The following SPATA13 variants were observed in gnomAD, a reference collection of about 807,000 sequenced individuals.
SPATA13 encodes the protein spermatogenesis-associated protein 13.
Under a neutral mutation model 104.0 loss-of-function variants are expected in SPATA13, and 50 were observed. That is an observed-to-expected ratio of 0.48 (90% CI 0.38 to 0.61). SPATA13 has a LOEUF of 0.61. Among genes scored for constraint, SPATA13 ranks in the 20% least tolerant of loss-of-function variants. The pLI, the probability that SPATA13 is intolerant of heterozygous loss-of-function variation, is 0.00. For missense variants in SPATA13, 1,524 were observed against 1,690.6 expected (o/e 0.90, Z 1.73); for synonymous variants, 606 against 667.5 (o/e 0.91, Z 1.42).
At chr13:23,987,485 T>G (rs999602678) in intron 2 of SPATA13, among the ~76,000 whole-genome samples, 11 of 152,204 alleles carry the variant, frequency 7.2e-5, no homozygotes, top group Admixed American at 7.2e-4. Flanking sequence ...TCTGCCAAAA[T>G]TATTTTTGCA....
intron 3 of SPATA13, among the ~76,000 whole-genome samples, chr13:24,126,508 G>A (rs1054698675): frequency 2.6e-5 from 4 of 152,056 alleles, no homozygotes; most frequent in African/African-American, 9.7e-5. Context: ...GAAAGTGAGC[G>A]AAAAATAAGC....
intron 3 of SPATA13, among the ~76,000 whole-genome samples, chr13:24,060,222 TA>T (rs1322231566): frequency 1.3e-5 from 2 of 152,148 alleles, no homozygotes; most frequent in Admixed American, 1.3e-4. Flanking sequence ...ATGGTACTGG[TA>T]CAAAAACAGG....
At chr13:24,274,036 T>C (rs1436502892) in intron 4 of SPATA13, among the ~76,000 whole-genome samples, 7 of 152,180 alleles carry the variant, frequency 4.6e-5, no homozygotes, top group Admixed American at 4.6e-4. Flanking sequence ...TGGGCTGTTT[T>C]GGGTGGGAAA....
At chr13:24,134,443 G>A (rs764427850) in intron 3 of SPATA13, among the ~76,000 whole-genome samples, 1 of 152,168 alleles carries the variant, frequency 6.6e-6, no homozygotes, top group Non-Finnish European at 1.5e-5. Context: ...GTGGGGGTGC[G>A]CCTGCTACAT....
At chr13:24,196,988 T>C (rs1870092370) in intron 1 of SPATA13, among the ~76,000 whole-genome samples, 1 of 152,116 alleles carries the variant, frequency 6.6e-6, no homozygotes, top group African/African-American at 2.4e-5. Context: ...TTACATATAC[T>C]GGAAAAGAGG....
Position 24,165,808 on chromosome 13 carries a change from G to A in SPATA13, c.-112+4876G>A, listed in dbSNP as rs150775874. Among the ~76,000 whole-genome samples the A allele has an allele frequency of 5.9e-5, 9 of 152,284 alleles. No individual in the cohort carries two copies. In the East Asian group the frequency reaches 9.6e-4, roughly 16 times the overall value. On this transcript the variant is annotated intron_variant, in intron 1 of 12. Transcript: ENST00000382108. ...GTCCATTGTACTTGAGTGTTAATGC[G>A]ACAATTCAGTCTCATTACACAGGAT... is the stretch of plus-strand genomic sequence containing the variant.
chr13:24,015,882 A>G (rs1876689754), intron 2 of SPATA13, among the ~76,000 whole-genome samples: 1 of 152,176 alleles, frequency 6.6e-6, no homozygotes, highest in Non-Finnish European at 1.5e-5. Context: ...CTTAGAAATA[A>G]TTTAAAACAC....
chr13:24,260,154 A>G (rs1386630439), intron 4 of SPATA13, among the ~76,000 whole-genome samples: 2 of 152,192 alleles, frequency 1.3e-5, no homozygotes. Context: ...AACGGGGAGC[A>G]TGTCAGTCGG....
chr13:24,064,780 C>A (rs1249500063), intron 3 of SPATA13, among the ~76,000 whole-genome samples: 1 of 152,180 alleles, frequency 6.6e-6, no homozygotes, highest in Non-Finnish European at 1.5e-5. Context: ...GTCAATACCA[C>A]CACTGATGTC....
chr13:24,249,969 C>A, intron 3 of SPATA13, 127 bp downstream of exon 3: 2 of 1,254,162 alleles, frequency 1.6e-6, no homozygotes, highest in Non-Finnish European at 2.2e-6. Context: ...ATGTACTTAA[C>A]CACCTTTTCT....
intron 4 of SPATA13, among the ~76,000 whole-genome samples, chr13:24,258,346 A>T (rs920675182): frequency 2.9e-5 from 4 of 139,668 alleles, no homozygotes; most frequent in Non-Finnish European, 6.1e-5. Flanking sequence ...GTTTACCATG[A>T]GAATGAAGAG....
At chr13:24,222,795 C>T (rs934119113) in intron 1 of SPATA13, 24 bp from the exon 2 acceptor site, 23 of 1,492,944 alleles carry the variant, frequency 1.5e-5, no homozygotes, top group African/African-American at 6.9e-5. Flanking sequence ...ATGGCTAAAC[C>T]GCCTGCTTTG....
At chr13:24,111,004 C>T (rs920486429) in intron 3 of SPATA13, among the ~76,000 whole-genome samples, 9 of 152,096 alleles carry the variant, frequency 5.9e-5, no homozygotes, top group African/African-American at 2.2e-4. Context: ...AACTCCTGAA[C>T]TCCAGTGATC....
chr13:24,110,680 A>C (rs1322418000), intron 3 of SPATA13, among the ~76,000 whole-genome samples: 3 of 152,200 alleles, frequency 2.0e-5, no homozygotes, highest in African/African-American at 7.2e-5. Flanking sequence ...GGAAACAAAC[A>C]TGCCCCCGCT....
In SPATA13 at chr13:24,302,948, C is replaced by G. The variant is rs1310900595; in HGVS notation, c.*175C>G. 6 of 779,274 alleles carry G rather than the reference C, an allele frequency of 7.7e-6. No individual in the cohort carries two copies. Among genetic ancestry groups the G allele is most frequent in the Non-Finnish European group, 1.2e-5 (6 of 487,554 alleles). The allele number at this position is 779,274 out of a possible 1,614,324, so 48.3% of individuals were successfully genotyped here. A position where few individuals can be genotyped will look rare whatever the true frequency, so the allele number is the denominator to read the frequency against. ...CTTCAGTCTTTGGAGACCCAGCTGC[C>G]TTTGTGGAAGGGAGGAGACGGTCAT... On this transcript the variant is annotated 3_prime_UTR_variant, in exon 13 of 13. Transcript: ENST00000382108.
Position 24,279,983 on chromosome 13 carries a change from T to A in SPATA13, c.2165-4152T>A, listed in dbSNP as rs184264038. The stretch of plus-strand genomic sequence containing the variant: ...ACAGTTGCTGTTGAAACCTCTCTTG[T>A]GATTAACCTCAGCCAGAGTTGTCTT... On this transcript the variant is annotated intron_variant, in intron 4 of 12. Coordinates refer to ENST00000382108, the MANE Select transcript of SPATA13 (RefSeq NM_001166271.3). 1.6e-4 allele frequency among the ~76,000 whole-genome samples: 24 copies of A among 152,346 alleles called. No individual in the cohort carries two copies. In the East Asian group the frequency reaches 3.9e-3, roughly 24 times the overall value.
intron 3 of SPATA13, among the ~76,000 whole-genome samples, chr13:24,019,298 C>G (rs1004236783): frequency 1.3e-5 from 2 of 151,826 alleles, no homozygotes; most frequent in Non-Finnish European, 2.9e-5. Flanking sequence ...CCGTTTTAGC[C>G]GGGATGGTCT....
chr13:24,303,438 G>C lies in SPATA13; in HGVS notation c.*665G>C, dbSNP rs983834522. The C allele has an allele frequency of 4.9e-6, 1 of 202,296 alleles. No homozygotes were observed. Among genetic ancestry groups the C allele is most frequent in the Non-Finnish European group, 1.1e-5 (1 of 94,410 alleles). The allele number at this position is 202,296 out of a possible 1,614,324, so 12.5% of individuals were successfully genotyped here. A position where few individuals can be genotyped will look rare whatever the true frequency, so the allele number is the denominator to read the frequency against. On this transcript the variant is annotated 3_prime_UTR_variant, in exon 13 of 13. Coordinates refer to ENST00000382108, the MANE Select transcript of SPATA13 (RefSeq NM_001166271.3). ...AAGATGCATCTGTCACCTTCATCAG[G>C]GTCCTCAGTGCAGAGCAACTTACGC...
intron 1 of SPATA13, among the ~76,000 whole-genome samples, chr13:24,209,625 G>A (rs767338953): frequency 1.4e-4 from 22 of 152,162 alleles, no homozygotes; most frequent in Admixed American, 4.6e-4. Context: ...ATAGTACTCC[G>A]TTGTGTGTGT....
Sources: allele counts gnomAD v4.1 joint callset (sites outside exome capture counted in the v4.1 genomes callset), GRCh38; gene constraint gnomAD v4.1.1; transcripts MANE v1.5; gene names NCBI Gene and HGNC (gene_info 2026-07-23, HGNC 2026-07-21).